Variants in PLXDC2 observed in about 807,000 individuals in gnomAD.
PLXDC2 encodes the protein plexin domain containing 2.
A neutral mutation model predicts 68.9 loss-of-function variants in PLXDC2; 40 were observed. That is an observed-to-expected ratio of 0.58 (90% CI 0.45 to 0.76). The LOEUF is 0.76. Among genes scored for constraint, PLXDC2 ranks in the 30% least tolerant of loss-of-function variants. The pLI, the probability that PLXDC2 is intolerant of heterozygous loss-of-function variation, is 0.00. For missense variants in PLXDC2, 644 were observed against 661.9 expected (o/e 0.97, Z 0.30); for synonymous variants, 243 against 234.2 (o/e 1.04, Z -0.34).
chr10:20,274,111 A>G lies in PLXDC2; in HGVS notation c.1474-5592A>G, dbSNP rs1588556013. On this transcript the variant is annotated intron_variant, in intron 13 of 13. Transcript: ENST00000377252. ...GGGAGAGGAGGAAAGGAAGGAAAGA[A>G]AGAAGGAAGGAAAGAAAACAGAAAG... is the stretch of plus-strand genomic sequence containing the variant. Among the ~76,000 whole-genome samples, 5 of 151,830 alleles carry G rather than the reference A, an allele frequency of 3.3e-5. No individual in the cohort carries two copies. The South Asian group carries it at 1.0e-3, about 32-fold the overall frequency.
chr10:20,105,757 A>C (rs188542109), intron 4 of PLXDC2, among the ~76,000 whole-genome samples: 2 of 152,140 alleles, frequency 1.3e-5, no homozygotes, highest in East Asian at 3.9e-4. Flanking sequence ...CTCATTAAGA[A>C]CCTTCTAGTG....
chr10:20,249,050 A>G (rs1329180632), intron 13 of PLXDC2, among the ~76,000 whole-genome samples: 1 of 152,240 alleles, frequency 6.6e-6, no homozygotes, highest in Non-Finnish European at 1.5e-5. Context: ...TTTTATGTAC[A>G]TAATTTGATG....
intron 1 of PLXDC2, among the ~76,000 whole-genome samples, chr10:19,825,007 G>T: frequency 6.6e-6 from 1 of 152,060 alleles, no homozygotes; most frequent in Non-Finnish European, 1.5e-5. Context: ...TCTTCTGTCA[G>T]AGGCCATCAA....
At chr10:19,904,662 A>G (rs1210351095) in intron 1 of PLXDC2, among the ~76,000 whole-genome samples, 1 of 151,976 alleles carries the variant, frequency 6.6e-6, no homozygotes, top group Non-Finnish European at 1.5e-5. Context: ...ATTCTCTTGG[A>G]TTTCTTGGTA....
intron 3 of PLXDC2, among the ~76,000 whole-genome samples, chr10:20,047,585 A>G (rs954920318): frequency 6.6e-6 from 1 of 152,152 alleles, no homozygotes; most frequent in Non-Finnish European, 1.5e-5. Flanking sequence ...CTCCTGAAAT[A>G]AATAATTTAA....
chr10:20,254,159 TCC>T (rs1835713823), intron 13 of PLXDC2, among the ~76,000 whole-genome samples: 1 of 152,156 alleles, frequency 6.6e-6, no homozygotes, highest in African/African-American at 2.4e-5. Flanking sequence ...TCAAGGGGAT[TCC>T]CCATCCCAAG....
intron 1 of PLXDC2, among the ~76,000 whole-genome samples, chr10:19,891,673 C>T (rs2131360316): frequency 6.6e-6 from 1 of 152,280 alleles, no homozygotes; most frequent in African/African-American, 2.4e-5. Flanking sequence ...GGTCGGTAAC[C>T]TCTGGAGCGA....
chr10:19,986,961 A>G (rs992660005), intron 1 of PLXDC2, among the ~76,000 whole-genome samples: 2 of 152,204 alleles, frequency 1.3e-5, no homozygotes, highest in African/African-American at 4.8e-5. Flanking sequence ...GTTATCACAG[A>G]TGTTTGAAGT....
At chr10:19,878,642 C>A (rs1837676376) in intron 1 of PLXDC2, among the ~76,000 whole-genome samples, 2 of 152,034 alleles carry the variant, frequency 1.3e-5, no homozygotes, top group South Asian at 4.2e-4. Flanking sequence ...CTATCCTTAC[C>A]CCCGACAGTT....
chr10:19,848,829 C>T (rs934256640), intron 1 of PLXDC2, among the ~76,000 whole-genome samples: 3 of 151,472 alleles, frequency 2.0e-5, no homozygotes, highest in Non-Finnish European at 2.9e-5. Context: ...GGGAGGATGG[C>T]AGGTTTTTTT....
chr10:20,158,539 TAGCA>T (rs71509005), intron 6 of PLXDC2, among the ~76,000 whole-genome samples: 42,096 of 144,362 alleles, frequency 0.29, 6,836 homozygotes, highest in East Asian at 0.51. Context: ...TAAAAAGAAC[TAGCA>T]AGCAAGCTAC....
intron 1 of PLXDC2, among the ~76,000 whole-genome samples, chr10:19,838,325 A>G (rs1177452397): frequency 1.3e-5 from 2 of 152,220 alleles, no homozygotes; most frequent in East Asian, 3.8e-4. Context: ...TTGCTAGAAT[A>G]GATTATGGAA....
At chr10:20,036,119 C>A (rs779087648) in intron 2 of PLXDC2, among the ~76,000 whole-genome samples, 1 of 152,056 alleles carries the variant, frequency 6.6e-6, no homozygotes, top group Non-Finnish European at 1.5e-5. Context: ...TAATAAAGGA[C>A]CTGTATGTGT....
chr10:20,193,952 C>T (rs1419179186), intron 9 of PLXDC2, among the ~76,000 whole-genome samples: 14 of 151,940 alleles, frequency 9.2e-5, no homozygotes, highest in Admixed American at 9.2e-4. Flanking sequence ...TGACCAGAAC[C>T]ATGCTTTAAA....
intron 2 of PLXDC2, among the ~76,000 whole-genome samples, chr10:20,033,182 T>TA (rs1835528480): frequency 1.3e-5 from 2 of 149,784 alleles, no homozygotes; most frequent in African/African-American, 2.4e-5. Context: ...TAAAGTATAA[T>TA]AAAAAATATA....
At chr10:20,011,624 A>G (rs1309766703) in intron 2 of PLXDC2, among the ~76,000 whole-genome samples, 12 of 152,206 alleles carry the variant, frequency 7.9e-5, no homozygotes, top group Admixed American at 6.5e-4. Context: ...ATCCCATTCC[A>G]TATCAATCGA....
intron 4 of PLXDC2, among the ~76,000 whole-genome samples, chr10:20,070,195 C>T (rs543696709): frequency 4.6e-5 from 7 of 152,076 alleles, no homozygotes; most frequent in East Asian, 1.9e-4. Context: ...AGGGATAGTT[C>T]GAGTCATTAG....
chr10:19,980,649 A>G lies in PLXDC2; in HGVS notation c.113-21126A>G, dbSNP rs547103862. 9.8e-5 allele frequency among the ~76,000 whole-genome samples: 15 copies of G among 152,374 alleles called. No individual in the cohort carries two copies. In the South Asian group the frequency reaches 1.9e-3, roughly 19 times the overall value. ...CTATGTGTATACACACATACGTATA[A>G]GAAAATACTTGTAAATAATGTTAGT... On this transcript the variant is annotated intron_variant, in intron 1 of 13. Transcript: ENST00000377252.
At chr10:19,863,783 T>C (rs1340704540) in intron 1 of PLXDC2, among the ~76,000 whole-genome samples, 1 of 150,204 alleles carries the variant, frequency 6.7e-6, no homozygotes, top group Non-Finnish European at 1.5e-5. Context: ...AACCGTTTTC[T>C]TTTTTTCTTG....
Sources: allele counts gnomAD v4.1 joint callset (sites outside exome capture counted in the v4.1 genomes callset), GRCh38; gene constraint gnomAD v4.1.1; transcripts MANE v1.5; gene names NCBI Gene and HGNC (gene_info 2026-07-23, HGNC 2026-07-21).